KCNQ5: variants seen among roughly 807,000 people sequenced by gnomAD.
The protein encoded by KCNQ5 is potassium voltage-gated channel subfamily Q member 5, also known as potassium voltage-gated channel subfamily KQT member 5.
A neutral mutation model predicts 98.2 loss-of-function variants in KCNQ5; 30 were observed. The ratio of observed to expected loss-of-function variants is 0.31; its 90% CI spans 0.23 to 0.41. The LOEUF (loss-of-function observed/expected upper bound fraction) is 0.41, where lower values mean the gene tolerates loss of function less well. Ranked by LOEUF, KCNQ5 falls within the 10% of genes least tolerant of loss-of-function variation. KCNQ5 has a pLI of 1.00. For synonymous variants in KCNQ5, 458 were observed against 449.4 expected, an observed-to-expected ratio of 1.02 and a Z score of -0.24; for missense variants, 835 against 1,182.5, an observed-to-expected ratio of 0.71 and a Z score of 4.31.
chr6:72,705,484 A>G (rs2154474826), intron 1 of KCNQ5, among the ~76,000 whole-genome samples: 1 of 152,258 alleles, frequency 6.6e-6, no homozygotes, highest in South Asian at 2.1e-4. Flanking sequence ...AGGAAACTTT[A>G]AGTAGGTGCA....
intron 10 of KCNQ5, among the ~76,000 whole-genome samples, chr6:73,159,108 C>G (rs6909792): frequency 6.6e-6 from 1 of 151,310 alleles, no homozygotes; most frequent in Non-Finnish European, 1.5e-5. Flanking sequence ...AAGTGCCCAT[C>G]AGTGACAGAT....
rs1449413875 is a variant in KCNQ5, at chr6:72,622,250, G to C, written c.61G>C (p.Gly21Arg). ...CGCCGCCGGGCTCTGGGTGAAGAGCGGCGCAGCGGCGGCGGCGGCGGGCGG... is the reference window on the plus strand; with the variant it reads ...CGCCGCCGGGCTCTGGGTGAAGAGCCGCGCAGCGGCGGCGGCGGCGGGCGG... Reference protein sequence around the residue: ...GGAAGLWVKSGAAAAAAGGGR... With the variant: ...GGAAGLWVKSRAAAAAAGGGR... The change falls in exon 1 of 14, where the codon GGC (glycine) becomes CGC (arginine). Residue 21 changes from glycine (G) to arginine (R), a missense_variant. Gly to Arg is a moderately radical substitution (Grantham distance 125). This residue lies in a region of KCNQ5 where 80 missense variants were observed against 72.3 expected (regional missense o/e 1.11). Coordinates refer to ENST00000370398, the MANE Select transcript of KCNQ5 (RefSeq NM_019842.4). The surrounding 1 kb of genome is among the most constrained non-coding windows in gnomAD (Gnocchi z 6.0). The C allele has an allele frequency of 3.2e-6, 4 of 1,256,514 alleles. No homozygotes were observed. Among genetic ancestry groups the C allele is most frequent in the East Asian group, 3.2e-5 (1 of 31,536 alleles). 77.8% of individuals were successfully genotyped at this position (1,256,514 alleles called of 1,614,324 possible). A position where few individuals can be genotyped will look rare whatever the true frequency, so the allele number is the denominator to read the frequency against.
intron 1 of KCNQ5, among the ~76,000 whole-genome samples, chr6:72,725,074 G>A (rs1159768223): frequency 1.3e-5 from 2 of 152,040 alleles, no homozygotes; most frequent in South Asian, 2.1e-4. Context: ...GTACTAAAGC[G>A]AGGATGTATT....
At chr6:72,712,025 T>G (rs2154475048) in intron 1 of KCNQ5, among the ~76,000 whole-genome samples, 1 of 152,338 alleles carries the variant, frequency 6.6e-6, no homozygotes, top group South Asian at 2.1e-4. Flanking sequence ...CAAAATATGC[T>G]ACAGTTTCAG....
chr6:72,953,576 C>T (rs947207189), intron 1 of KCNQ5, among the ~76,000 whole-genome samples: 11 of 152,212 alleles, frequency 7.2e-5, no homozygotes, highest in Non-Finnish European at 1.5e-4. Context: ...GAGCTCCTCT[C>T]TTAAGGCAGC....
chr6:72,734,513 G>A (rs946920102), intron 1 of KCNQ5, among the ~76,000 whole-genome samples: 1 of 151,984 alleles, frequency 6.6e-6, no homozygotes, highest in Non-Finnish European at 1.5e-5. Flanking sequence ...GTAGAGACGG[G>A]GTTTCGACTA....
rs1416082364 is a variant in KCNQ5 at position 72,763,225 on chromosome 6, G to C, written c.398+140638G>C. ...TGTCACTTCCATAGCATATTGAATG[G>C]TATTAACAAGCCTTACATTAATTAT... is the stretch of plus-strand genomic sequence containing the variant. On this transcript the variant is annotated intron_variant, in intron 1 of 13. Coordinates refer to ENST00000370398, the MANE Select transcript of KCNQ5 (RefSeq NM_019842.4). Among the ~76,000 whole-genome samples, 6 of 151,896 alleles carry C rather than the reference G, an allele frequency of 4.0e-5. No homozygotes were observed. In the South Asian group the frequency reaches 1.0e-3, roughly 26 times the overall value.
chr6:72,624,366 C>A (rs1399002018), intron 1 of KCNQ5, among the ~76,000 whole-genome samples: 4 of 152,090 alleles, frequency 2.6e-5, no homozygotes, highest in Middle Eastern at 3.2e-3. Flanking sequence ...TTTTTCTTTA[C>A]AACAGTATGC....
At chr6:72,675,180 T>C (rs1767346614) in intron 1 of KCNQ5, among the ~76,000 whole-genome samples, 1 of 152,168 alleles carries the variant, frequency 6.6e-6, no homozygotes, top group Non-Finnish European at 1.5e-5. Context: ...CCAAAAGACT[T>C]ATATATTGGT....
At chr6:73,056,875 T>C (rs1407129593) in intron 3 of KCNQ5, among the ~76,000 whole-genome samples, 2 of 152,170 alleles carry the variant, frequency 1.3e-5, no homozygotes, top group African/African-American at 4.8e-5. Context: ...TTTACACTCT[T>C]GGTGGGACTG....
intron 1 of KCNQ5, among the ~76,000 whole-genome samples, chr6:72,888,919 G>C (rs1778952186): frequency 6.6e-6 from 1 of 152,072 alleles, no homozygotes; most frequent in African/African-American, 2.4e-5. Flanking sequence ...TATCTTCATG[G>C]AGCCCACAGT....
chr6:72,985,397 C>T (rs1376453641), intron 1 of KCNQ5, among the ~76,000 whole-genome samples: 2 of 152,152 alleles, frequency 1.3e-5, no homozygotes, highest in African/African-American at 2.4e-5. Flanking sequence ...TTCAGATGAG[C>T]TGAAAACCAG....
chr6:72,650,576 A>G (rs1365771582), intron 1 of KCNQ5, among the ~76,000 whole-genome samples: 1 of 152,170 alleles, frequency 6.6e-6, no homozygotes, highest in Non-Finnish European at 1.5e-5. Flanking sequence ...GGAAAAATCC[A>G]TTTAAAAGCG....
intron 10 of KCNQ5, among the ~76,000 whole-genome samples, chr6:73,154,730 A>C (rs1220819143): frequency 6.6e-6 from 1 of 152,210 alleles, no homozygotes; most frequent in Non-Finnish European, 1.5e-5. Flanking sequence ...AAAGTTACTC[A>C]TTCTTTTACT....
intron 1 of KCNQ5, among the ~76,000 whole-genome samples, chr6:72,749,001 C>T (rs1771543240): frequency 6.6e-6 from 1 of 152,156 alleles, no homozygotes; most frequent in African/African-American, 2.4e-5. Context: ...TCACCCACTC[C>T]CTGACCACCT....
At chr6:72,748,809 G>C (rs1464577246) in intron 1 of KCNQ5, among the ~76,000 whole-genome samples, 1 of 152,100 alleles carries the variant, frequency 6.6e-6, no homozygotes, top group Non-Finnish European at 1.5e-5. Context: ...AAATGTTTTG[G>C]GAGAACAAGA....
intron 1 of KCNQ5, among the ~76,000 whole-genome samples, chr6:72,774,344 G>T (rs1773059696): frequency 6.6e-6 from 1 of 152,024 alleles, no homozygotes; most frequent in Non-Finnish European, 1.5e-5. Flanking sequence ...TATAAAAACA[G>T]GTGACAGGCT....
intron 1 of KCNQ5, among the ~76,000 whole-genome samples, chr6:72,935,900 C>A (rs1363606023): frequency 6.6e-6 from 1 of 152,186 alleles, no homozygotes; most frequent in East Asian, 1.9e-4. Flanking sequence ...CCAGATCAGC[C>A]TCCTTGAAAC....
At chr6:72,731,051 T>C (rs1407633013) in intron 1 of KCNQ5, among the ~76,000 whole-genome samples, 1 of 152,222 alleles carries the variant, frequency 6.6e-6, no homozygotes, top group African/African-American at 2.4e-5. Flanking sequence ...ATTCTATTTA[T>C]GGCTTAGCAT....
Sources: gnomAD v4.1 joint callset for allele counts (sites outside exome capture counted in the v4.1 genomes callset) on GRCh38, gnomAD v4.1.1 for gene constraint, gnomAD v4.1.1 regional missense constraint, Gnocchi (gnomAD v3.1) non-coding constraint, MANE v1.5 for transcripts, NCBI Gene and HGNC (gene_info 2026-07-23, HGNC 2026-07-21) for gene names.